Variants in ABCC9 observed in about 807,000 individuals in gnomAD.
ABCC9 encodes ATP-binding cassette sub-family C member 9.
A neutral mutation model predicts 188.3 loss-of-function variants in ABCC9; 95 were observed. The ratio of observed to expected loss-of-function variants is 0.50; its 90% confidence interval spans 0.43 to 0.60. ABCC9 has a LOEUF of 0.60. ABCC9 is among the 20% of genes least tolerant of loss of function. ABCC9 has a pLI of 0.00. For missense variants in ABCC9, 1,102 were observed against 1,876.3 expected (o/e 0.59, Z 7.62); for synonymous variants, 659 against 652.7 (o/e 1.01, Z -0.15).
chr12:21,801,032 T>C lies in ABCC9; in HGVS notation c.*12A>G. 1 of 1,613,702 alleles carries C rather than the reference T, an allele frequency of 6.2e-7. No homozygotes were observed. The highest frequency in any genetic ancestry group is 1.1e-5 in the South Asian group (1 of 91,074). Reference sequence around the variant, plus strand: ...ATTATTTTAAATACATGTATTGTTTTAAGACACTCCTTCACATGTCTGCGC... The same window carrying C: ...ATTATTTTAAATACATGTATTGTTTCAAGACACTCCTTCACATGTCTGCGC... On this transcript the variant is annotated 3_prime_UTR_variant, in exon 40 of 40. Coordinates refer to ENST00000261200, the MANE Select transcript of ABCC9 (RefSeq NM_020297.4).
chr12:21,940,046 C>A (rs1949633405), intron 2 of ABCC9, among the ~76,000 whole-genome samples: 1 of 152,180 alleles, frequency 6.6e-6, no homozygotes, highest in African/African-American at 2.4e-5. Flanking sequence ...TCTAAAAACA[C>A]ATTTAAGTGC....
rs1482969023 is a variant in ABCC9, at chr12:21,930,902, G to C, written c.284+2880C>G. On this transcript the variant is annotated intron_variant, in intron 4 of 39. Coordinates refer to ENST00000261200, the MANE Select transcript of ABCC9 (RefSeq NM_020297.4). ...AGCAGGGAAGATTGGGCATATGTGG[G>C]GGAAAGATGTATATAGGGAATCTCT... Among the ~76,000 whole-genome samples the C allele has an allele frequency of 2.0e-5, 3 of 152,080 alleles. No individual in the cohort carries two copies. In the East Asian group the frequency reaches 5.8e-4, roughly 29 times the overall value.
chr12:21,820,342 A>G (rs1170814063), intron 31 of ABCC9, among the ~76,000 whole-genome samples: 1 of 151,948 alleles, frequency 6.6e-6, no homozygotes, highest in African/African-American at 2.4e-5. Flanking sequence ...ATTAACTTCT[A>G]TTCTCTACCT....
intron 20 of ABCC9, 85 bp downstream of exon 20, chr12:21,862,868 G>A (rs926141733): frequency 4.5e-6 from 4 of 891,186 alleles, no homozygotes; most frequent in Non-Finnish European, 7.5e-6. Flanking sequence ...AGATGTAAAG[G>A]TTCCAGAAAC....
intron 38 of ABCC9, among the ~76,000 whole-genome samples, chr12:21,807,046 A>G (rs895190143): frequency 2.6e-5 from 4 of 152,168 alleles, no homozygotes; most frequent in African/African-American, 9.7e-5. Context: ...TAGTACTTGA[A>G]TATAGTACAG....
rs750838269 is a variant in ABCC9 at position 21,844,758 on chromosome 12, CT to C, written c.3245+8del. The C allele has an allele frequency of 8.7e-6, 14 of 1,613,728 alleles. No individual in the cohort carries two copies. The highest frequency in any genetic ancestry group is 1.0e-5 in the Non-Finnish European group (12 of 1,179,790). On this transcript the variant is annotated splice_region_variant and intron_variant, in intron 27 of 39. Coordinates refer to ENST00000261200, the MANE Select transcript of ABCC9 (RefSeq NM_020297.4). Reference sequence around the variant, plus strand: ...TATGTGTGGGAGTGAGAAATAACCACTGTTTTACCTTATTGGTCCAAGGATT... The same window carrying C: ...TATGTGTGGGAGTGAGAAATAACCACGTTTTACCTTATTGGTCCAAGGATT...
At chr12:21,872,255 G>T (rs1478308225) in intron 18 of ABCC9, among the ~76,000 whole-genome samples, 1 of 151,954 alleles carries the variant, frequency 6.6e-6, no homozygotes, top group Non-Finnish European at 1.5e-5. Flanking sequence ...AAACTTTAAG[G>T]CACTGTTTCT....
In ABCC9 at chr12:21,841,342, GTTTCCTTTTTTTTTT is replaced by G. The variant is rs1247806112; in HGVS notation, c.3473+957_3473+971del. ...CTTACTCTTTGGGATTATGTTTCTG[GTTTCCTTTTTTTTTT>G]TTTTTTTTTTTTTTTTTTTGAGACA... is the stretch of plus-strand genomic sequence containing the variant. On this transcript the variant is annotated intron_variant, in intron 29 of 39. Coordinates refer to ENST00000261200, the MANE Select transcript of ABCC9 (RefSeq NM_020297.4). Among the ~76,000 whole-genome samples the G allele has an allele frequency of 2.6e-5, 3 of 115,188 alleles. 1 individual carries two copies. Among genetic ancestry groups the G allele is most frequent in the African/African-American group, 6.6e-5 (2 of 30,416 alleles). 75.6% of individuals were successfully genotyped at this position (115,188 alleles called of 152,430 possible). A position where few individuals can be genotyped will look rare whatever the true frequency, so the allele number is the denominator to read the frequency against.
At chr12:21,816,812 T>G (rs1043837850) in intron 33 of ABCC9, among the ~76,000 whole-genome samples, 1 of 152,178 alleles carries the variant, frequency 6.6e-6, no homozygotes, top group Non-Finnish European at 1.5e-5. Flanking sequence ...CCTGACAGTA[T>G]TATCCTAGCA....
intron 18 of ABCC9, 90 bp from the exon 19 acceptor site, chr12:21,864,567 C>G: frequency 1.1e-6 from 1 of 893,052 alleles, no homozygotes; most frequent in South Asian, 1.4e-5. Flanking sequence ...ACAATAAACA[C>G]TGGACATATT....
chr12:21,898,700 C>G (rs1333762469), intron 12 of ABCC9, among the ~76,000 whole-genome samples: 1 of 152,012 alleles, frequency 6.6e-6, no homozygotes, highest in Admixed American at 6.6e-5. Flanking sequence ...TAAATCAAAT[C>G]AAATATTAGT....
chr12:21,799,500 A>G lies in ABCC9; in HGVS notation c.*1544T>C, dbSNP rs1367873014. Reference sequence around the variant, plus strand: ...GGTTATTTTCTTCCAAGGAAGTTTTATATACACAACAAAAGGTTACAATTT... The same window carrying G: ...GGTTATTTTCTTCCAAGGAAGTTTTGTATACACAACAAAAGGTTACAATTT... On this transcript the variant is annotated 3_prime_UTR_variant, in exon 40 of 40. Transcript: ENST00000261200. The G allele has an allele frequency of 1.3e-5, 2 of 152,178 alleles. No homozygotes were observed. The highest frequency in any genetic ancestry group is 2.9e-5 in the Non-Finnish European group (2 of 68,010). The allele number at this position is 152,178 out of a possible 1,614,324, so 9.4% of individuals were successfully genotyped here.
chr12:21,865,925 T>A (rs1313005136), intron 18 of ABCC9, among the ~76,000 whole-genome samples: 5 of 150,810 alleles, frequency 3.3e-5, no homozygotes, highest in Non-Finnish European at 7.4e-5. Context: ...GGGTAAAAGA[T>A]GGTAGTAGGG....
chr12:21,869,394 A>C (rs868751388), intron 18 of ABCC9, among the ~76,000 whole-genome samples: 1 of 152,132 alleles, frequency 6.6e-6, no homozygotes, highest in Non-Finnish European at 1.5e-5. Flanking sequence ...GGTTTCCCGC[A>C]CTTTCCCTCT....
At chr12:21,842,050 A>T (rs1305572776) in intron 29 of ABCC9, among the ~76,000 whole-genome samples, 1 of 152,218 alleles carries the variant, frequency 6.6e-6, no homozygotes, top group Non-Finnish European at 1.5e-5. Context: ...ATTTGCATAT[A>T]ACCTACATAC....
intron 22 of ABCC9, among the ~76,000 whole-genome samples, chr12:21,859,031 A>G (rs1259210370): frequency 3.9e-5 from 6 of 152,162 alleles, no homozygotes; most frequent in Non-Finnish European, 5.9e-5. Context: ...TATTAGTCCA[A>G]GATGGATATC....
chr12:21,877,069 G>A (rs1946391857), intron 16 of ABCC9, among the ~76,000 whole-genome samples: 1 of 152,176 alleles, frequency 6.6e-6, no homozygotes, highest in South Asian at 2.1e-4. Flanking sequence ...TGATTGCTTT[G>A]TAAATATGGC....
intron 16 of ABCC9, among the ~76,000 whole-genome samples, chr12:21,879,424 T>C (rs529354934): frequency 2.4e-4 from 37 of 152,062 alleles, no homozygotes; most frequent in Non-Finnish European, 4.7e-4. Context: ...GGCAAATCCA[T>C]TGGTTGCTGC....
At chr12:21,924,699 C>G (rs1174655889) in intron 5 of ABCC9, 1 of 151,924 alleles carries the variant, frequency 6.6e-6, no homozygotes, top group Admixed American at 6.6e-5. Context: ...ATCAACTTTT[C>G]AAAAATAGAT....
Sources: allele counts gnomAD v4.1 joint callset (sites outside exome capture counted in the v4.1 genomes callset), GRCh38; gene constraint gnomAD v4.1.1; transcripts MANE v1.5; gene names NCBI Gene and HGNC (gene_info 2026-07-23, HGNC 2026-07-21).